TRANK1: variants seen among roughly 807,000 people sequenced by gnomAD.
TRANK1 encodes TPR and ankyrin repeat-containing protein 1.
In TRANK1, 198 loss-of-function variants were observed where a neutral mutation model predicts 266.0. The ratio of observed to expected loss-of-function variants is 0.74; its 90% CI spans 0.66 to 0.84. The LOEUF is 0.84. Among genes scored for constraint, TRANK1 ranks in the 40% least tolerant of loss-of-function variants. The pLI is 0.00. For missense variants in TRANK1, 3,326 were observed against 3,634.6 expected, an observed-to-expected ratio of 0.92 and a Z score of 2.18; for synonymous variants, 1,396 against 1,384.1, an observed-to-expected ratio of 1.01 and a Z score of -0.19.
At chr3:36,881,782 G>A (rs182047854) in intron 8 of TRANK1, among the ~76,000 whole-genome samples, 173 of 152,170 alleles carry the variant, frequency 1.1e-3, no homozygotes, top group African/African-American at 4.0e-3. Context: ...CTGGCAACCA[G>A]TAATCTACTT....
At chr3:36,867,749 A>G (rs1358897132) in intron 9 of TRANK1, among the ~76,000 whole-genome samples, 2 of 152,262 alleles carry the variant, frequency 1.3e-5, no homozygotes, top group Admixed American at 6.5e-5. Flanking sequence ...TTGCTTTTAT[A>G]TAAAACTATA....
chr3:36,850,821 G>T lies in TRANK1; in HGVS notation c.4887+898C>A, dbSNP rs372611737. The stretch of plus-strand genomic sequence containing the variant: ...CTCTATCTAAAGGGTCAGTTCTGGG[G>T]CAGATTTTTAAAGTGTTAAAGCCAA... On this transcript the variant is annotated intron_variant, in intron 15 of 23. Transcript: ENST00000645898. The T allele has an allele frequency of 9.1e-6, 9 of 985,244 alleles. No homozygotes were observed. The East Asian group carries it at 3.4e-4, about 37-fold the overall frequency. The allele number at this position is 985,244 out of a possible 1,614,324, so 61.0% of individuals were successfully genotyped here. A position where few individuals can be genotyped will look rare whatever the true frequency, so the allele number is the denominator to read the frequency against.
At chr3:36,834,053 A>T (rs562983227) in intron 21 of TRANK1, 134 bp from the exon 22 acceptor site, 8 of 849,450 alleles carry the variant, frequency 9.4e-6, no homozygotes, top group Non-Finnish European at 1.2e-5. Context: ...TAAACTTGTC[A>T]AGCATTCAAG....
At position 36,832,004 on chromosome 3, in the gene TRANK1, A is replaced by G; in HGVS notation, c.7579T>C (p.Ser2527Pro). Residue 2527 changes from serine (S) to proline (P), a missense_variant, in exon 22 of 24, where the codon TCC (serine) becomes CCC (proline). By Grantham distance (74) the Ser-to-Pro change is moderately conservative (BLOSUM62 -1). Coordinates refer to ENST00000645898, the MANE Select transcript of TRANK1 (RefSeq NM_001329998.2). ...RAIQDFRFHL[S>P]YLAKVLCGYE... Reference sequence around the variant, plus strand: ...CCACATAGCACCTTGGCGAGGTAGGAGAGATGGAACCGGAAATCCTGAATG... The same window carrying G: ...CCACATAGCACCTTGGCGAGGTAGGGGAGATGGAACCGGAAATCCTGAATG... 6.2e-7 allele frequency: 1 copy of G among 1,614,010 alleles called. No individual in the cohort carries two copies. Among genetic ancestry groups the G allele is most frequent in the Non-Finnish European group, 8.5e-7 (1 of 1,179,886 alleles).
At chr3:36,921,623 T>C (rs1375090496) in intron 1 of TRANK1, among the ~76,000 whole-genome samples, 1 of 152,194 alleles carries the variant, frequency 6.6e-6, no homozygotes, top group Non-Finnish European at 1.5e-5. Context: ...ACTGGCTCCC[T>C]GGTACCACGT....
Position 36,832,944 on chromosome 3 carries a change from C to A in TRANK1, c.6639G>T (p.Leu2213=). 6.2e-7 allele frequency: 1 copy of A among 1,612,766 alleles called. No homozygotes were observed. The highest frequency in any genetic ancestry group is 8.5e-7 in the Non-Finnish European group (1 of 1,179,218). The stretch of plus-strand genomic sequence containing the variant: ...CTAAACACTTGGCTTCACAACGCCG[C>A]AGAGGCCTGTGAAAATGTTCACAGT... ...DENCEHFHRP[L]RRCEAKCLVQ... The change falls in exon 22 of 24, where the codon CTG becomes CTT. Residue 2213 remains leucine (L), a synonymous_variant. Transcript: ENST00000645898.
intron 1 of TRANK1, among the ~76,000 whole-genome samples, chr3:36,915,351 A>G (rs911455308): frequency 6.6e-6 from 1 of 152,232 alleles, no homozygotes; most frequent in African/African-American, 2.4e-5. Context: ...GGTATGTAGC[A>G]TATCCATCAT....
intron 20 of TRANK1, among the ~76,000 whole-genome samples, chr3:36,836,147 T>A (rs948900755): frequency 6.6e-6 from 1 of 152,244 alleles, no homozygotes; most frequent in Non-Finnish European, 1.5e-5. Context: ...AGAACCCTCA[T>A]GCACAAAGTG....
Position 36,856,286 on chromosome 3 carries a change from C to T in TRANK1, c.3436G>A (p.Glu1146Lys), listed in dbSNP as rs1393575235. The change falls in exon 13 of 24, where the codon GAA (glutamate) becomes AAA (lysine). Residue 1146 changes from glutamate to lysine, a missense_variant. By Grantham distance (56) the Glu-to-Lys change is moderately conservative (BLOSUM62 1). Transcript: ENST00000645898. ...TCTATGCTTTCTACTGTTTCCACTT[C>T]AATAGAATCTTCCTCTTCCTCGTCC... ...EEDEEEEDSIEVETVESIDEQ... is the reference protein window; with the variant it reads ...EEDEEEEDSIKVETVESIDEQ... 6 of 1,596,088 alleles carry T rather than the reference C, an allele frequency of 3.8e-6. No individual in the cohort carries two copies. The highest frequency in any genetic ancestry group is 4.3e-6 in the Non-Finnish European group (5 of 1,170,964).
rs2078984638 is a variant in TRANK1, at chr3:36,851,579, A to G, written c.4887+140T>C. 3 of 1,251,366 alleles carry G rather than the reference A, an allele frequency of 2.4e-6. No homozygotes were observed. In the South Asian group the frequency reaches 4.9e-5, roughly 20 times the overall value. 77.5% of individuals were successfully genotyped at this position (1,251,366 alleles called of 1,614,324 possible). ...CACATCTAAACACACAAAACCTCATACTGAATGAATGATGCTCTAAAACAC... is the reference window on the plus strand; with the variant it reads ...CACATCTAAACACACAAAACCTCATGCTGAATGAATGATGCTCTAAAACAC... On this transcript the variant is annotated intron_variant, in intron 15 of 23. Coordinates refer to ENST00000645898, the MANE Select transcript of TRANK1 (RefSeq NM_001329998.2).
intron 5 of TRANK1, among the ~76,000 whole-genome samples, chr3:36,894,536 T>C (rs1559458944): frequency 6.6e-6 from 1 of 152,180 alleles, no homozygotes; most frequent in Non-Finnish European, 1.5e-5. Context: ...TCCTCAACCC[T>C]GCTGCCTGCC....
At chr3:36,850,556 GC>G in intron 15 of TRANK1, 1 of 957,034 alleles carries the variant, frequency 1.0e-6, no homozygotes, top group Non-Finnish European at 1.2e-6. Context: ...ATTACTTAAG[GC>G]CAGGAGTTTG....
chr3:36,901,500 A>G (rs952382517), intron 3 of TRANK1, among the ~76,000 whole-genome samples: 2 of 152,208 alleles, frequency 1.3e-5, no homozygotes, highest in Non-Finnish European at 2.9e-5. Flanking sequence ...TATTAAAAAT[A>G]TCATAGAAGA....
Position 36,903,204 on chromosome 3 carries a change from T to C in TRANK1, c.227A>G (p.Asn76Ser), listed in dbSNP as rs2079909476. The change falls in exon 3 of 24, where the codon AAT becomes AGT. Residue 76 changes from asparagine to serine, a missense_variant. By Grantham distance (46) the Asn-to-Ser change is conservative. Transcript: ENST00000645898. Reference sequence around the variant, plus strand: ...TTCCTTGGCAGCAACAAATGCCTCATTCCACTTCCCAAGGCTGAAAAATGC... The same window carrying C: ...TTCCTTGGCAGCAACAAATGCCTCACTCCACTTCCCAAGGCTGAAAAATGC... ...SNAFFSLGKW[N>S]EAFVAAKECL... is the part of the protein sequence containing the mutation. 6.5e-7 allele frequency: 1 copy of C among 1,537,232 alleles called. No individual in the cohort carries two copies. Among genetic ancestry groups the C allele is most frequent in the Admixed American group, 2.0e-5 (1 of 50,984 alleles).
In TRANK1 at chr3:36,864,478, A is replaced by C. The variant is rs1219511636; in HGVS notation, c.1081T>G (p.Phe361Val). The stretch of plus-strand genomic sequence containing the variant: ...CTAGTGGGTCCATCACCATTGCTGA[A>C]TCCTACAAAACAGCACCAGGTAATG... ...LATCSKDLSG[F>V]SNGDGPTSEN... Residue 361 changes from phenylalanine to valine, a missense_variant and splice_region_variant, in exon 10 of 24, where the codon TTC becomes GTC. Coordinates refer to ENST00000645898, the MANE Select transcript of TRANK1 (RefSeq NM_001329998.2). 1.3e-6 allele frequency: 2 copies of C among 1,525,916 alleles called. No homozygotes were observed. The highest frequency in any genetic ancestry group is 4.2e-5 in the Admixed American group (2 of 47,552). 94.5% of individuals were successfully genotyped at this position (1,525,916 alleles called of 1,614,324 possible).
Position 36,833,911 on chromosome 3 carries a change from T to C in TRANK1, c.5672A>G (p.Glu1891Gly). 1 of 1,600,162 alleles carries C rather than the reference T, an allele frequency of 6.2e-7. No individual in the cohort carries two copies. Among genetic ancestry groups the C allele is most frequent in the Non-Finnish European group, 8.5e-7 (1 of 1,175,518 alleles). The change falls in exon 22 of 24, where the codon GAA (glutamate) becomes GGA (glycine). Residue 1891 changes from glutamate (E) to glycine (G), a missense_variant. Physicochemically the swap from Glu to Gly is moderately conservative, Grantham distance 98. Transcript: ENST00000645898. ...EAAIAVEKYE[E>G]MLKTKTLPIS... ...GGGAAGGGTCTTAGTCTTTAGCATT[T>C]CTTCATACCTGCAAAGACAAAGGAC... is the stretch of plus-strand genomic sequence containing the variant.
chr3:36,917,689 C>A (rs1025099730), intron 1 of TRANK1, among the ~76,000 whole-genome samples: 8 of 152,180 alleles, frequency 5.3e-5, no homozygotes, highest in African/African-American at 1.7e-4. Flanking sequence ...TTGGGGCTAC[C>A]TCTGTATGTA....
intron 8 of TRANK1, among the ~76,000 whole-genome samples, chr3:36,884,996 G>T (rs892234597): frequency 6.6e-6 from 1 of 151,472 alleles, no homozygotes; most frequent in African/African-American, 2.4e-5. Context: ...TTAAATTAAT[G>T]TTAATCAAAG....
intron 11 of TRANK1, among the ~76,000 whole-genome samples, chr3:36,860,634 A>G (rs1281385943): frequency 1.3e-5 from 2 of 149,764 alleles, no homozygotes; most frequent in Non-Finnish European, 2.9e-5. Flanking sequence ...CACACACCTG[A>G]TGTTTCCCAT....
Sources: gnomAD v4.1 joint callset for allele counts (sites outside exome capture counted in the v4.1 genomes callset) on GRCh38, gnomAD v4.1.1 for gene constraint, MANE v1.5 for transcripts, NCBI Gene and HGNC (gene_info 2026-07-23, HGNC 2026-07-21) for gene names.